Variants in TFEB observed in about 807,000 individuals in gnomAD.
The protein encoded by TFEB is transcription factor EB.
In TFEB, 12 loss-of-function variants were observed where a neutral mutation model predicts 48.0. The observed-to-expected ratio is 0.25, with a 90% CI of 0.16 to 0.40. The LOEUF (loss-of-function observed/expected upper bound fraction) is 0.40. Ranked by LOEUF, TFEB falls within the 10% of genes least tolerant of loss-of-function variation. TFEB has a pLI of 1.00. For synonymous variants in TFEB, 244 were observed against 261.4 expected (o/e 0.93, Z 0.64); for missense variants, 509 against 640.3 (o/e 0.79, Z 2.21).
At chr6:41,685,177 A>G in intron 8 of TFEB, 99 bp from the exon 9 acceptor site, 1 of 1,328,852 alleles carries the variant, frequency 7.5e-7, no homozygotes, top group East Asian at 3.0e-5. Flanking sequence ...CCCCTGCCCT[A>G]CGGCACCCAA....
chr6:41,732,856 C>A lies in TFEB; in HGVS notation c.-23+2494G>T, dbSNP rs115527205. On this transcript the variant is annotated intron_variant, in intron 1 of 8. Transcript: ENST00000373033. Reference sequence around the variant, plus strand: ...GCCAACCCAATTTCCATGGTCATCTCCAGGGCAGCCCCAAGCCAGGCCCCA... The same window carrying A: ...GCCAACCCAATTTCCATGGTCATCTACAGGGCAGCCCCAAGCCAGGCCCCA... 1,816 of 985,822 alleles carry A rather than the reference C, an allele frequency of 1.8e-3. 32 individuals carry two copies. The African/African-American group carries it at 0.027, about 14-fold the overall frequency. 61.1% of individuals were successfully genotyped at this position (985,822 alleles called of 1,614,324 possible).
intron 1 of TFEB, chr6:41,732,972 C>T (rs1013817377): frequency 4.1e-6 from 4 of 985,460 alleles, no homozygotes; most frequent in Non-Finnish European, 4.8e-6. Context: ...CTGCAGAAAC[C>T]GAGTTGACTT....
chr6:41,708,629 T>C (rs931470305), intron 1 of TFEB, among the ~76,000 whole-genome samples: 2 of 152,216 alleles, frequency 1.3e-5, no homozygotes, highest in African/African-American at 4.8e-5. Context: ...AATCCTACTC[T>C]ACCACTGGTG....
Position 41,691,109 on chromosome 6 carries a change from C to T in TFEB, c.105G>A (p.Gln35=), listed in dbSNP as rs1205326300. 1 of 1,582,818 alleles carries T rather than the reference C, an allele frequency of 6.3e-7. No homozygotes were observed. Among genetic ancestry groups the T allele is most frequent in the South Asian group, 1.1e-5 (1 of 87,640 alleles). The change falls in exon 2 of 9, where the codon CAG becomes CAA. Residue 35 remains glutamine, a synonymous_variant. Coordinates refer to ENST00000373033, the MANE Select transcript of TFEB (RefSeq NM_001271944.2). The surrounding 1 kb of genome is among the most constrained non-coding windows in gnomAD (Gnocchi z 5.2). ...MQQQAVMHYM[Q]QQQQQQQQQL... The stretch of plus-strand genomic sequence containing the variant: ...GCTGCTGTTGCTGCTGCTGCTGCTG[C>T]TGCATGTAATGCATGACAGCCTGTT...
intron 1 of TFEB, among the ~76,000 whole-genome samples, chr6:41,708,576 C>T (rs570391784): frequency 6.6e-6 from 1 of 152,344 alleles, no homozygotes; most frequent in African/African-American, 2.4e-5. Flanking sequence ...CACCTTGCTC[C>T]TTCACACACA....
intron 1 of TFEB, among the ~76,000 whole-genome samples, chr6:41,703,635 G>C (rs1471110608): frequency 1.3e-5 from 2 of 152,246 alleles, no homozygotes; most frequent in Non-Finnish European, 2.9e-5. Context: ...AGTGGAGAGG[G>C]GAATGGAGGA....
At chr6:41,716,683 T>G (rs1419972149) in intron 1 of TFEB, among the ~76,000 whole-genome samples, 1 of 152,128 alleles carries the variant, frequency 6.6e-6, no homozygotes, top group Non-Finnish European at 1.5e-5. Context: ...CCCACCCCCT[T>G]TAGTGCTGGC....
chr6:41,690,289 C>T (rs1769230727), intron 3 of TFEB, among the ~76,000 whole-genome samples: 1 of 152,184 alleles, frequency 6.6e-6, no homozygotes, highest in Admixed American at 6.5e-5. Flanking sequence ...CACCACCACG[C>T]CCAGCTAATT....
Position 41,734,777 on chromosome 6 carries a change from G to T in TFEB, c.-23+573C>A. ...CGAGCTGGAGGAAGGGACGGGAAGG[G>T]AGGGAGAGATGGTACTTCCACCCGC... On this transcript the variant is annotated intron_variant, in intron 1 of 8. Transcript: ENST00000373033. The surrounding 1 kb of genome is among the most constrained non-coding windows in gnomAD (Gnocchi z 4.0). The T allele has an allele frequency of 1.6e-6, 1 of 628,388 alleles. No homozygotes were observed. The highest frequency in any genetic ancestry group is 6.9e-5 in the South Asian group (1 of 14,432). The allele number at this position is 628,388 out of a possible 1,614,324, so 38.9% of individuals were successfully genotyped here. A position where few individuals can be genotyped will look rare whatever the true frequency, so the allele number is the denominator to read the frequency against.
intron 1 of TFEB, among the ~76,000 whole-genome samples, chr6:41,694,307 C>T (rs1330177199): frequency 1.3e-5 from 2 of 152,134 alleles, no homozygotes; most frequent in Admixed American, 1.3e-4. Flanking sequence ...TGGGAGAGGA[C>T]GTTGGAGAAG....
At chr6:41,687,361 C>A (rs1769065115) in intron 6 of TFEB, among the ~76,000 whole-genome samples, 192 bp from the exon 7 acceptor site, 2 of 152,194 alleles carry the variant, frequency 1.3e-5, no homozygotes, top group East Asian at 3.9e-4. Flanking sequence ...AAAGGCCAGA[C>A]ACAATTAAGA....
chr6:41,727,920 G>A (rs1771278603), intron 1 of TFEB, among the ~76,000 whole-genome samples: 1 of 152,168 alleles, frequency 6.6e-6, no homozygotes, highest in African/African-American at 2.4e-5. Context: ...CTGGAAGGAA[G>A]GACTTGTCCA....
At position 41,734,925 on chromosome 6, in the gene TFEB, G is replaced by C. The variant is rs570691799; in HGVS notation, c.-23+425C>G. 3.0e-6 allele frequency: 3 copies of C among 985,002 alleles called. No homozygotes were observed. Among genetic ancestry groups the C allele is most frequent in the Non-Finnish European group, 3.6e-6 (3 of 829,850 alleles). The allele number at this position is 985,002 out of a possible 1,614,324, so 61.0% of individuals were successfully genotyped here. A position where few individuals can be genotyped will look rare whatever the true frequency, so the allele number is the denominator to read the frequency against. ...CTCCGACCCCCTCTCAGGCATCGCC[G>C]GCCCCAGCCGTGTCCGGTGGAGGGG... On this transcript the variant is annotated intron_variant, in intron 1 of 8. Coordinates refer to ENST00000373033, the MANE Select transcript of TFEB (RefSeq NM_001271944.2). This position sits in a 1 kb window ranked among gnomAD's most constrained non-coding sequence, Gnocchi z 4.0.
chr6:41,723,324 C>T lies in TFEB; in HGVS notation c.-23+12026G>A. 1.9e-6 allele frequency: 1 copy of T among 523,418 alleles called. No homozygotes were observed. The highest frequency in any genetic ancestry group is 3.3e-6 in the Non-Finnish European group (1 of 304,564). 32.4% of individuals were successfully genotyped at this position (523,418 alleles called of 1,614,324 possible). On this transcript the variant is annotated intron_variant, in intron 1 of 8. Coordinates refer to ENST00000373033, the MANE Select transcript of TFEB (RefSeq NM_001271944.2). The surrounding 1 kb of genome is among the most constrained non-coding windows in gnomAD (Gnocchi z 6.0). The stretch of plus-strand genomic sequence containing the variant: ...CCTGAGGGGCCTCATCCCTACCCAC[C>T]CACCTCCCCAAAGACACCACACGCA...
intron 1 of TFEB, among the ~76,000 whole-genome samples, chr6:41,715,842 C>T (rs1770714114): frequency 6.6e-6 from 1 of 152,308 alleles, no homozygotes; most frequent in African/African-American, 2.4e-5. Context: ...GGTCACCCAA[C>T]CTGTGAGTGG....
chr6:41,687,807 C>T lies in TFEB; in HGVS notation c.673G>A (p.Ala225Thr). ...DLTQKRELTD[A>T]ESRALAKERQ... Reference sequence around the variant, plus strand: ...TCCTTGGCCAGGGCCCTGCTCTCAGCATCTGGAGGCCAAAAGAGAAGGAGA... The same window carrying T: ...TCCTTGGCCAGGGCCCTGCTCTCAGTATCTGGAGGCCAAAAGAGAAGGAGA... The change falls in exon 6 of 9, where the codon GCT (alanine) becomes ACT (threonine). Residue 225 changes from alanine to threonine, a missense_variant and splice_region_variant. By Grantham distance (58) the Ala-to-Thr change is moderately conservative. Coordinates refer to ENST00000373033, the MANE Select transcript of TFEB (RefSeq NM_001271944.2). 1 of 1,613,514 alleles carries T rather than the reference C, an allele frequency of 6.2e-7. No homozygotes were observed.
intron 1 of TFEB, among the ~76,000 whole-genome samples, chr6:41,712,227 T>G (rs1187987481): frequency 2.0e-5 from 3 of 152,116 alleles, no homozygotes; most frequent in Non-Finnish European, 1.5e-5. Context: ...CACACAGGAC[T>G]CCAAATCCTA....
chr6:41,687,663 C>A (rs1769079853), intron 6 of TFEB, 90 bp downstream of exon 6: 1 of 1,540,798 alleles, frequency 6.5e-7, no homozygotes, highest in Non-Finnish European at 8.9e-7. Flanking sequence ...GGGAAGCCTT[C>A]CACCAGTGCA....
At chr6:41,721,252 T>C (rs12525992) in intron 1 of TFEB, among the ~76,000 whole-genome samples, 21,781 of 152,124 alleles carry the variant, frequency 0.14, 1,533 homozygotes, top group East Asian at 0.18. Flanking sequence ...TGCTGCGCCT[T>C]ATATTCAGTA....
Sources: allele counts gnomAD v4.1 joint callset (sites outside exome capture counted in the v4.1 genomes callset), GRCh38; gene constraint gnomAD v4.1.1; non-coding constraint Gnocchi (gnomAD v3.1); transcripts MANE v1.5; gene names NCBI Gene and HGNC (gene_info 2026-07-23, HGNC 2026-07-21).